The following LIG3 variants were observed in gnomAD, a reference collection of about 807,000 sequenced individuals.
LIG3 encodes the protein ligase II, DNA, ATP-dependent.
In LIG3, 58 loss-of-function variants were observed where a neutral mutation model predicts 110.9. The observed-to-expected ratio is 0.52, with a 90% CI of 0.42 to 0.65. The LOEUF (loss-of-function observed/expected upper bound fraction) is 0.65. LIG3 is among the 30% of genes least tolerant of loss of function. The pLI, the probability that LIG3 is intolerant of heterozygous loss-of-function variation, is 0.00. For synonymous variants in LIG3, 422 were observed against 472.8 expected, an observed-to-expected ratio of 0.89 and a Z score of 1.39; for missense variants, 1,094 against 1,273.8, an observed-to-expected ratio of 0.86 and a Z score of 2.15.
In LIG3 at chr17:35,009,050, A is replaced by T. The variant is rs897719677; in HGVS notation, c.*4544A>T. ...CTAAAGTGTGGAAATTATAGCATGA[A>T]CCACTGTCAGGCTCTTTTGTCAGTC... On this transcript the variant is annotated 3_prime_UTR_variant, in exon 20 of 20. Transcript: ENST00000378526. The T allele has an allele frequency of 3.3e-5, 5 of 152,604 alleles. No homozygotes were observed. The highest frequency in any genetic ancestry group is 1.2e-4 in the African/African-American group (5 of 41,442). The allele number at this position is 152,604 out of a possible 1,614,324, so 9.5% of individuals were successfully genotyped here. A position where few individuals can be genotyped will look rare whatever the true frequency, so the allele number is the denominator to read the frequency against.
At chr17:35,003,048 G>C in intron 19 of LIG3, 1 of 1,614,168 alleles carries the variant, frequency 6.2e-7, no homozygotes. Flanking sequence ...GCAGGAGATA[G>C]AACAGCCCGG....
Position 34,991,695 on chromosome 17 carries a change from G to A in LIG3, c.1066G>A (p.Val356Ile). The change falls in exon 6 of 20, where the codon GTC becomes ATC. Residue 356 changes from valine to isoleucine, a missense_variant. Coordinates refer to ENST00000378526, the MANE Select transcript of LIG3 (RefSeq NM_013975.4). ...GGGTGACGTGTCAGAGACAATCAGAGTCTTCTTTGAGCAGAGCAAGTCTTT... is the reference window on the plus strand; with the variant it reads ...GGGTGACGTGTCAGAGACAATCAGAATCTTCTTTGAGCAGAGCAAGTCTTT... The part of the protein sequence containing the change: ...EQGDVSETIR[V>I]FFEQSKSFPP... The A allele has an allele frequency of 1.2e-6, 2 of 1,614,008 alleles. No individual in the cohort carries two copies. Among genetic ancestry groups the A allele is most frequent in the South Asian group, 1.1e-5 (1 of 91,082 alleles).
chr17:34,985,521 ACT>A (rs2090645921), intron 2 of LIG3, among the ~76,000 whole-genome samples: 1 of 152,182 alleles, frequency 6.6e-6, no homozygotes, highest in Non-Finnish European at 1.5e-5. Flanking sequence ...AGAGTTCATG[ACT>A]CAGATAACTA....
chr17:34,982,811 C>T (rs1399995452), intron 1 of LIG3, among the ~76,000 whole-genome samples, 191 bp from the exon 2 acceptor site: 1 of 152,084 alleles, frequency 6.6e-6, no homozygotes, highest in Non-Finnish European at 1.5e-5. Context: ...AATTGAACAT[C>T]CTGCTGCGAG....
In LIG3 at chr17:34,994,318, C is replaced by T. The variant is rs1195516222; in HGVS notation, c.1498C>T (p.Pro500Ser). The stretch of plus-strand genomic sequence containing the variant: ...CGTTGAGTATGCAATGAAGAAATGT[C>T]CCAATGGCATGTTCTCTGAGATCAA... ...KSVEYAMKKC[P>S]NGMFSEIKYD... The change falls in exon 9 of 20, where the codon CCC becomes TCC. Residue 500 changes from proline to serine, a missense_variant. Transcript: ENST00000378526. 6.2e-7 allele frequency: 1 copy of T among 1,614,010 alleles called. No individual in the cohort carries two copies. Among genetic ancestry groups the T allele is most frequent in the Non-Finnish European group, 8.5e-7 (1 of 1,179,980 alleles).
At chr17:34,997,855 C>T (rs1363523288) in intron 12 of LIG3, 30 bp downstream of exon 12, 4 of 1,567,186 alleles carry the variant, frequency 2.6e-6, no homozygotes, top group Non-Finnish European at 3.5e-6. Flanking sequence ...TAGGCAGTGT[C>T]CTAGAAGTTT....
At chr17:34,991,254 A>T in intron 5 of LIG3, 140 bp downstream of exon 5, 1 of 761,990 alleles carries the variant, frequency 1.3e-6, no homozygotes, top group Non-Finnish European at 2.1e-6. Context: ...AGCTTCCGTT[A>T]TAGGGGGAGC....
chr17:34,991,840 G>T lies in LIG3; in HGVS notation c.1208+3G>T, dbSNP rs375260860. 25 of 1,613,894 alleles carry T rather than the reference G, an allele frequency of 1.5e-5. No individual in the cohort carries two copies. Among genetic ancestry groups the T allele is most frequent in the Middle Eastern group, 1.6e-4 (1 of 6,084 alleles). On this transcript the variant is annotated splice_donor_region_variant and intron_variant, in intron 6 of 19. Coordinates refer to ENST00000378526, the MANE Select transcript of LIG3 (RefSeq NM_013975.4). ...GCCCTACAGGACATTGCCTCCAGGT[G>T]GGGGAGCTGCCTCCGTCAAACCATG... is the stretch of plus-strand genomic sequence containing the variant.
At chr17:34,991,936 TA>T in intron 6 of LIG3, 21 bp from the exon 7 acceptor site, 2 of 1,614,060 alleles carry the variant, frequency 1.2e-6, no homozygotes, top group Non-Finnish European at 8.5e-7. Flanking sequence ...AAGACCAAGT[TA>T]AATGTGCTTC....
chr17:34,994,216 C>T, intron 8 of LIG3, 60 bp from the exon 9 acceptor site: 1 of 1,544,824 alleles, frequency 6.5e-7, no homozygotes, highest in East Asian at 2.3e-5. Flanking sequence ...AGGTCTCTGG[C>T]TGTCGCTGCT....
intron 19 of LIG3, chr17:35,003,343 G>A (rs889070793): frequency 7.3e-6 from 3 of 412,872 alleles, no homozygotes; most frequent in Non-Finnish European, 1.3e-5. Flanking sequence ...CTGTTGCCTA[G>A]GCTGGAGTGA....
At chr17:35,001,437 C>T (rs2090840936) in intron 17 of LIG3, 34 bp downstream of exon 17, 2 of 1,603,228 alleles carry the variant, frequency 1.2e-6, no homozygotes, top group South Asian at 1.1e-5. Context: ...GTATTCTCCA[C>T]CCCACTGTCC....
In LIG3 at chr17:34,991,831, C is replaced by T; in HGVS notation, c.1202C>T (p.Ala401Val). 1 of 1,614,020 alleles carries T rather than the reference C, an allele frequency of 6.2e-7. No individual in the cohort carries two copies. Among genetic ancestry groups the T allele is most frequent in the Non-Finnish European group, 8.5e-7 (1 of 1,179,980 alleles). ...DEQQQALQDI[A>V]SRCTANDLKC... ...CAGCAACAGGCCCTACAGGACATTG[C>T]CTCCAGGTGGGGGAGCTGCCTCCGT... Residue 401 changes from alanine to valine, a missense_variant, in exon 6 of 20, where the codon GCC becomes GTC. Physicochemically the swap from Ala to Val is moderately conservative, Grantham distance 64. Coordinates refer to ENST00000378526, the MANE Select transcript of LIG3 (RefSeq NM_013975.4).
chr17:34,998,625 C>T lies in LIG3; in HGVS notation c.2011C>T (p.Arg671Trp). The T allele has an allele frequency of 4.3e-6, 7 of 1,614,112 alleles. No individual in the cohort carries two copies. The highest frequency in any genetic ancestry group is 1.7e-5 in the Admixed American group (1 of 60,012). Reference sequence around the variant, plus strand: ...TCAGGGTACATATGAGCCTGGGAAGCGGCACTGGCTGAAAGTGAAGAAAGA... The same window carrying T: ...TCAGGGTACATATGAGCCTGGGAAGTGGCACTGGCTGAAAGTGAAGAAAGA... ...DVKGTYEPGK[R>W]HWLKVKKDYL... The change falls in exon 14 of 20, where the codon CGG becomes TGG. Residue 671 changes from arginine to tryptophan, a missense_variant. Arg to Trp is a moderately radical substitution (Grantham distance 101). Coordinates refer to ENST00000378526, the MANE Select transcript of LIG3 (RefSeq NM_013975.4).
intron 16 of LIG3, among the ~76,000 whole-genome samples, chr17:35,000,597 G>A (rs1016741632): frequency 1.4e-5 from 2 of 147,440 alleles, no homozygotes; most frequent in Non-Finnish European, 3.0e-5. Flanking sequence ...CTTCTAGCTG[G>A]TTGGGAGATA....
At position 35,005,641 on chromosome 17, in the gene LIG3, T is replaced by C. The variant is rs1201137069; in HGVS notation, c.*1135T>C. On this transcript the variant is annotated 3_prime_UTR_variant, in exon 20 of 20. Transcript: ENST00000378526. The stretch of plus-strand genomic sequence containing the variant: ...ACCAAATATCCCAAAACTCAATCGA[T>C]TTTTTTTCTTCTATTCATTGGATTC... 1 of 572,094 alleles carries C rather than the reference T, an allele frequency of 1.7e-6. No homozygotes were observed. The highest frequency in any genetic ancestry group is 1.4e-5 in the South Asian group (1 of 72,760). 35.4% of individuals were successfully genotyped at this position (572,094 alleles called of 1,614,324 possible).
chr17:35,002,019 T>TGCTGTGTCCCGCAAGGCCC lies in LIG3; in HGVS notation c.2590_2608dup (p.Pro870ArgfsTer23). 2.5e-6 allele frequency: 4 copies of TGCTGTGTCCCGCAAGGCCC among 1,612,120 alleles called. No homozygotes were observed. Among genetic ancestry groups the TGCTGTGTCCCGCAAGGCCC allele is most frequent in the Non-Finnish European group, 3.4e-6 (4 of 1,179,192 alleles). ...AAGAGAATAAGGGTCCCTCAGGGTC[T>TGCTGTGTCCCGCAAGGCCC]GCTGTGTCCCGCAAGGCCCCCAGCA... On this transcript the variant is annotated frameshift_variant, in exon 18 of 20. Transcript: ENST00000378526. LOFTEE classifies it high-confidence loss of function.
chr17:34,989,625 A>G lies in LIG3; in HGVS notation c.851A>G (p.Gln284Arg). Reference sequence around the variant, plus strand: ...AATCCTAGCTACAACACGAAGACCCAGATCATCCAGGACTTCCTTCGGAAA... The same window carrying G: ...AATCCTAGCTACAACACGAAGACCCGGATCATCCAGGACTTCCTTCGGAAA... ...ADNPSYNTKT[Q>R]IIQDFLRKGS... Residue 284 changes from glutamine to arginine, a missense_variant, in exon 4 of 20, where the codon CAG becomes CGG. Gln to Arg is a conservative substitution (Grantham distance 43). Transcript: ENST00000378526. 1 of 1,614,170 alleles carries G rather than the reference A, an allele frequency of 6.2e-7. No homozygotes were observed. The highest frequency in any genetic ancestry group is 8.5e-7 in the Non-Finnish European group (1 of 1,180,032).
rs886959019 is a variant in LIG3 at position 35,006,733 on chromosome 17, G to C, written c.*2227G>C. The stretch of plus-strand genomic sequence containing the variant: ...GTCCCAATCCTTCCAGCTCTTGAGG[G>C]TCAGTTCTCACCTTATGAACAAATT... On this transcript the variant is annotated 3_prime_UTR_variant, in exon 20 of 20. Coordinates refer to ENST00000378526, the MANE Select transcript of LIG3 (RefSeq NM_013975.4). The C allele has an allele frequency of 6.6e-6, 1 of 152,222 alleles. No individual in the cohort carries two copies. The highest frequency in any genetic ancestry group is 1.5e-5 in the Non-Finnish European group (1 of 68,154). 9.4% of individuals were successfully genotyped at this position (152,222 alleles called of 1,614,324 possible).
Sources: gnomAD v4.1 joint callset for allele counts (sites outside exome capture counted in the v4.1 genomes callset) on GRCh38, gnomAD v4.1.1 for gene constraint, MANE v1.5 for transcripts, NCBI Gene and HGNC (gene_info 2026-07-23, HGNC 2026-07-21) for gene names.